Variants in MGMT observed in about 807,000 individuals in gnomAD.
MGMT encodes methylated-DNA--protein-cysteine methyltransferase.
Under a neutral mutation model 15.9 loss-of-function variants are expected in MGMT, and 14 were observed. That is an observed-to-expected ratio of 0.88 (90% CI 0.58 to 1.37). The LOEUF is 1.37. Ranked by LOEUF, MGMT falls within the 40% of genes most tolerant of loss-of-function variation. The pLI is 0.00. For synonymous variants in MGMT, 130 were observed against 118.2 expected, an observed-to-expected ratio of 1.10 and a Z score of -0.65; for missense variants, 282 against 268.1, an observed-to-expected ratio of 1.05 and a Z score of -0.36.
At chr10:129,610,908 A>T (rs1846952059) in intron 2 of MGMT, among the ~76,000 whole-genome samples, 1 of 152,242 alleles carries the variant, frequency 6.6e-6, no homozygotes, top group South Asian at 2.1e-4. Flanking sequence ...AGTGTCTAGC[A>T]CAAAGTATGT....
At chr10:129,562,012 G>C (rs569457741) in intron 2 of MGMT, among the ~76,000 whole-genome samples, 8 of 152,306 alleles carry the variant, frequency 5.3e-5, no homozygotes, top group Admixed American at 2.0e-4. Context: ...AAGCCTTCTA[G>C]GAACAGCTTA....
intron 2 of MGMT, among the ~76,000 whole-genome samples, chr10:129,665,204 TCACCCACCTACTCACTCCCCCACC>T (rs1847644762): frequency 9.2e-5 from 1 of 10,876 alleles, no homozygotes; most frequent in Non-Finnish European, 1.8e-4. Flanking sequence ...ACCTACCCAC[TCACCCACCTACTCACTCCCCCACC>T]CACCCCCCAA....
chr10:129,559,688 G>A (rs1333128454), intron 2 of MGMT, among the ~76,000 whole-genome samples: 1 of 152,080 alleles, frequency 6.6e-6, no homozygotes, highest in Non-Finnish European at 1.5e-5. Context: ...TATCATCTTA[G>A]TCATCAGGAA....
At chr10:129,736,610 T>G (rs1357432487) in intron 3 of MGMT, among the ~76,000 whole-genome samples, 1 of 151,996 alleles carries the variant, frequency 6.6e-6, no homozygotes, top group Non-Finnish European at 1.5e-5. Flanking sequence ...CATTATGATG[T>G]TAGCTGGTTA....
intron 2 of MGMT, among the ~76,000 whole-genome samples, chr10:129,583,479 T>G (rs1846580953): frequency 6.6e-6 from 1 of 152,252 alleles, no homozygotes; most frequent in East Asian, 1.9e-4. Context: ...GGTGTGTTGC[T>G]TTTGTAGTTT....
At chr10:129,524,040 T>C (rs928444161) in intron 1 of MGMT, among the ~76,000 whole-genome samples, 1 of 152,212 alleles carries the variant, frequency 6.6e-6, no homozygotes, top group Non-Finnish European at 1.5e-5. Context: ...AGACAAGGTC[T>C]GTGTGAGAAG....
chr10:129,641,014 G>T (rs1367542877), intron 2 of MGMT, among the ~76,000 whole-genome samples: 2 of 152,182 alleles, frequency 1.3e-5, no homozygotes. Flanking sequence ...CAGCTATTCA[G>T]TGGAAGGTCC....
intron 1 of MGMT, among the ~76,000 whole-genome samples, chr10:129,502,006 G>T (rs1845579317): frequency 6.6e-6 from 1 of 152,264 alleles, no homozygotes; most frequent in East Asian, 1.9e-4. Context: ...TGGGACAGCT[G>T]TGGGATGGGA....
At chr10:129,745,406 C>T (rs1205978355) in intron 3 of MGMT, among the ~76,000 whole-genome samples, 1 of 152,140 alleles carries the variant, frequency 6.6e-6, no homozygotes, top group Non-Finnish European at 1.5e-5. Flanking sequence ...GGCCTCTCCC[C>T]ACCCCCATTC....
chr10:129,486,247 G>A (rs1845408549), intron 1 of MGMT, among the ~76,000 whole-genome samples: 1 of 149,440 alleles, frequency 6.7e-6, no homozygotes, highest in Admixed American at 6.7e-5. Flanking sequence ...GAGTGCGATG[G>A]CATGATCTTG....
At position 129,703,029 on chromosome 10, in the gene MGMT, G is replaced by A. The variant is rs775251740; in HGVS notation, c.126-4866G>A. On this transcript the variant is annotated intron_variant, in intron 2 of 4. Transcript: ENST00000651593. ...TTTTACTGTAGAAATGGAAATTTGT[G>A]TCATGGCTTTAAAAATCTGGTTTTA... 1.1e-4 allele frequency among the ~76,000 whole-genome samples: 17 copies of A among 152,320 alleles called. No individual in the cohort carries two copies. In the Middle Eastern group the frequency reaches 0.014, roughly 122 times the overall value.
At chr10:129,639,613 A>G (rs1284778542) in intron 2 of MGMT, among the ~76,000 whole-genome samples, 1 of 152,232 alleles carries the variant, frequency 6.6e-6, no homozygotes, top group Non-Finnish European at 1.5e-5. Flanking sequence ...GTCACAGGGA[A>G]ACTTAGAAAA....
chr10:129,614,876 T>A (rs72838519), intron 2 of MGMT, among the ~76,000 whole-genome samples: 187 of 152,338 alleles, frequency 1.2e-3, no homozygotes, highest in Non-Finnish European at 2.1e-3. Flanking sequence ...ATCTTTAAAA[T>A]GTGTGGGTGC....
In MGMT at chr10:129,572,466, T is replaced by G. The variant is rs572834479; in HGVS notation, c.125+36089T>G. 3.3e-5 allele frequency among the ~76,000 whole-genome samples: 5 copies of G among 152,338 alleles called. No homozygotes were observed. The East Asian group carries it at 9.6e-4, about 29-fold the overall frequency. ...AACAGCCAGGGTCTTCCTGCTCTAC[T>G]TACTTAGACGTCCTCAGAGTGTCTT... On this transcript the variant is annotated intron_variant, in intron 2 of 4. Coordinates refer to ENST00000651593, the MANE Select transcript of MGMT (RefSeq NM_002412.5).
intron 3 of MGMT, among the ~76,000 whole-genome samples, chr10:129,709,690 T>C (rs1589950561): frequency 1.3e-5 from 2 of 151,970 alleles, no homozygotes; most frequent in Admixed American, 1.3e-4. Context: ...TTACCTAAGG[T>C]TTGTTGGGCA....
chr10:129,754,030 C>G (rs1848778383), intron 3 of MGMT, among the ~76,000 whole-genome samples: 1 of 152,150 alleles, frequency 6.6e-6, no homozygotes, highest in Non-Finnish European at 1.5e-5. Flanking sequence ...CTCTTAACAT[C>G]AGTTCTTTTG....
intron 1 of MGMT, among the ~76,000 whole-genome samples, chr10:129,474,252 G>T (rs1845264830): frequency 6.6e-6 from 1 of 152,204 alleles, no homozygotes; most frequent in South Asian, 2.1e-4. Context: ...TAGCCTGTCA[G>T]TGCTTCCCAG....
At chr10:129,694,804 G>A (rs1325617747) in intron 2 of MGMT, among the ~76,000 whole-genome samples, 2 of 152,140 alleles carry the variant, frequency 1.3e-5, no homozygotes, top group Non-Finnish European at 2.9e-5. Context: ...GAAAGGGAGG[G>A]GGACAGCATC....
intron 2 of MGMT, among the ~76,000 whole-genome samples, chr10:129,647,001 G>T: frequency 6.6e-6 from 1 of 151,766 alleles, no homozygotes; most frequent in Admixed American, 6.6e-5. Context: ...AGGAAATGAG[G>T]GGCAGTTCCC....
Sources: allele counts gnomAD v4.1 joint callset (sites outside exome capture counted in the v4.1 genomes callset), GRCh38; gene constraint gnomAD v4.1.1; transcripts MANE v1.5; gene names NCBI Gene and HGNC (gene_info 2026-07-23, HGNC 2026-07-21).